Variants in STX8 observed in about 807,000 individuals in gnomAD.
The protein encoded by STX8 is syntaxin-8.
STX8 carries 23 observed loss-of-function variants against 37.5 expected under a neutral mutation model. That is an observed-to-expected ratio of 0.61 (90% CI 0.44 to 0.87). STX8 has a LOEUF of 0.87. STX8 is among the 40% of genes least tolerant of loss of function. STX8 has a pLI of 0.00. For missense variants in STX8, 313 were observed against 284.7 expected (o/e 1.10, Z -0.71); for synonymous variants, 115 against 99.1 (o/e 1.16, Z -0.95).
At chr17:9,413,921 T>C (rs901583732) in intron 6 of STX8, among the ~76,000 whole-genome samples, 4 of 148,366 alleles carry the variant, frequency 2.7e-5, no homozygotes, top group African/African-American at 1.0e-4. Context: ...CATCTAACCG[T>C]CCATCCACCC....
intron 6 of STX8, among the ~76,000 whole-genome samples, chr17:9,436,203 G>C (rs893982859): frequency 8.6e-5 from 13 of 151,984 alleles, no homozygotes; most frequent in African/African-American, 3.1e-4. Context: ...AAAATAGCTG[G>C]GAGTGGTGAC....
chr17:9,474,040 G>A (rs145129873), intron 6 of STX8, among the ~76,000 whole-genome samples: 17 of 152,294 alleles, frequency 1.1e-4, no homozygotes, highest in African/African-American at 3.8e-4. Flanking sequence ...TGATGTCATC[G>A]ATCGTGCCTA....
At chr17:9,371,842 A>T (rs564609519) in intron 7 of STX8, among the ~76,000 whole-genome samples, 2 of 152,262 alleles carry the variant, frequency 1.3e-5, no homozygotes, top group South Asian at 4.1e-4. Flanking sequence ...AATATATTTT[A>T]AAAAGTGGAA....
At chr17:9,364,124 G>T (rs575623456) in intron 7 of STX8, among the ~76,000 whole-genome samples, 33 of 152,230 alleles carry the variant, frequency 2.2e-4, no homozygotes, top group African/African-American at 7.5e-4. Flanking sequence ...CTTAACACGC[G>T]CATTATCCAA....
intron 7 of STX8, among the ~76,000 whole-genome samples, chr17:9,276,275 A>G (rs1348390297): frequency 6.6e-6 from 1 of 152,182 alleles, no homozygotes; most frequent in African/African-American, 2.4e-5. Context: ...AGGCTTACCA[A>G]GTCTGCCTTG....
At chr17:9,402,253 G>A (rs1912651428) in intron 6 of STX8, among the ~76,000 whole-genome samples, 1 of 151,946 alleles carries the variant, frequency 6.6e-6, no homozygotes, top group African/African-American at 2.4e-5. Flanking sequence ...CTGAGTAGCT[G>A]GAATTACAGG....
In STX8 at chr17:9,464,058, G is replaced by A. The variant is rs929003367; in HGVS notation, c.541+27771C>T. Among the ~76,000 whole-genome samples, 5 of 152,208 alleles carry A rather than the reference G, an allele frequency of 3.3e-5. No homozygotes were observed. The South Asian group carries it at 1.0e-3, about 31-fold the overall frequency. On this transcript the variant is annotated intron_variant, in intron 6 of 7. Transcript: ENST00000306357. ...CCACTGCACTCCAGCCTGGGTAACA[G>A]AGCAAGACTGTCTCAAAAACAAAAA...
intron 7 of STX8, among the ~76,000 whole-genome samples, chr17:9,262,345 A>G (rs1298198625): frequency 2.6e-5 from 4 of 151,992 alleles, no homozygotes; most frequent in Admixed American, 1.3e-4. Flanking sequence ...TTCTCCAGGG[A>G]TTTTGGATTT....
intron 4 of STX8, among the ~76,000 whole-genome samples, chr17:9,542,859 C>G (rs962559385): frequency 5.9e-5 from 9 of 152,044 alleles, no homozygotes; most frequent in African/African-American, 2.2e-4. Context: ...CCAGGTGATG[C>G]TGATGCTGCT....
At chr17:9,442,115 C>T (rs1904685154) in intron 6 of STX8, among the ~76,000 whole-genome samples, 1 of 152,186 alleles carries the variant, frequency 6.6e-6, no homozygotes, top group South Asian at 2.1e-4. Context: ...TCAGTGTCTT[C>T]TCACTTTACC....
intron 6 of STX8, among the ~76,000 whole-genome samples, chr17:9,433,941 C>T (rs1904330664): frequency 6.6e-6 from 1 of 152,216 alleles, no homozygotes; most frequent in South Asian, 2.1e-4. Context: ...AGATGGATTG[C>T]TGTAGTCAGT....
chr17:9,462,115 T>C (rs1905413477), intron 6 of STX8, among the ~76,000 whole-genome samples: 1 of 152,144 alleles, frequency 6.6e-6, no homozygotes, highest in Non-Finnish European at 1.5e-5. Flanking sequence ...GTACCAGTAC[T>C]GGTCCATGGC....
intron 7 of STX8, among the ~76,000 whole-genome samples, chr17:9,267,392 TCCTGATCTCCAATCTTTGG>T (rs1202855948): frequency 6.6e-6 from 1 of 152,200 alleles, no homozygotes; most frequent in Non-Finnish European, 1.5e-5. Flanking sequence ...AACGTGGCAT[TCCTGATCTCCAATCTTTGG>T]ATAGAAAGCG....
At chr17:9,318,878 C>G (rs1327825487) in intron 7 of STX8, among the ~76,000 whole-genome samples, 1 of 152,122 alleles carries the variant, frequency 6.6e-6, no homozygotes, top group East Asian at 1.9e-4. Context: ...AATAATCACA[C>G]AGGATAACAA....
intron 4 of STX8, among the ~76,000 whole-genome samples, chr17:9,520,301 A>G (rs551140920): frequency 6.6e-6 from 1 of 152,368 alleles, no homozygotes; most frequent in African/African-American, 2.4e-5. Flanking sequence ...AAAGACTGAT[A>G]CTGTTTGAGC....
chr17:9,423,154 T>C (rs1913505624), intron 6 of STX8, among the ~76,000 whole-genome samples: 1 of 152,246 alleles, frequency 6.6e-6, no homozygotes, highest in Admixed American at 6.5e-5. Flanking sequence ...ACGTTCACTT[T>C]TCATTTTGTA....
At chr17:9,494,577 C>T (rs1370390582) in intron 5 of STX8, among the ~76,000 whole-genome samples, 2 of 120,488 alleles carry the variant, frequency 1.7e-5, no homozygotes, top group African/African-American at 6.2e-5. Context: ...GATGGCGCCA[C>T]TGCACTCCAG....
intron 6 of STX8, among the ~76,000 whole-genome samples, chr17:9,474,949 G>A (rs775778740): frequency 1.3e-5 from 2 of 152,150 alleles, no homozygotes; most frequent in Non-Finnish European, 2.9e-5. Context: ...TCCAGCCTGG[G>A]CGACAGAGCA....
chr17:9,446,783 C>T (rs1013674690), intron 6 of STX8, among the ~76,000 whole-genome samples: 2 of 151,940 alleles, frequency 1.3e-5, no homozygotes, highest in Admixed American at 6.6e-5. Context: ...AGTTTTTTTC[C>T]GTTTTCCCAC....
Sources: gnomAD v4.1 joint callset for allele counts (sites outside exome capture counted in the v4.1 genomes callset) on GRCh38, gnomAD v4.1.1 for gene constraint, MANE v1.5 for transcripts, NCBI Gene and HGNC (gene_info 2026-07-23, HGNC 2026-07-21) for gene names.